The following CSDE1 variants were observed in gnomAD, a reference collection of about 807,000 sequenced individuals.
The protein encoded by CSDE1 is cold shock domain-containing protein E1.
A neutral mutation model predicts 89.3 loss-of-function variants in CSDE1; 17 were observed. The observed-to-expected ratio is 0.19, with a 90% CI of 0.13 to 0.29. CSDE1 has a LOEUF of 0.29. Among genes scored for constraint, CSDE1 ranks in the 10% least tolerant of loss-of-function variants. The pLI is 1.00. For missense variants in CSDE1, 672 were observed against 984.2 expected (o/e 0.68, Z 4.24); for synonymous variants, 322 against 332.8 (o/e 0.97, Z 0.35).
chr1:114,748,238 T>C (rs1232934890), intron 2 of CSDE1: 1 of 152,216 alleles, frequency 6.6e-6, no homozygotes, highest in East Asian at 1.9e-4. Context: ...CATTCTTCAT[T>C]TTATTTGACC....
intron 2 of CSDE1, among the ~76,000 whole-genome samples, chr1:114,746,337 T>TCC (rs1661009069): frequency 6.6e-6 from 1 of 152,156 alleles, no homozygotes; most frequent in African/African-American, 2.4e-5. Context: ...CTAAAACACA[T>TCC]CCCCATCATT....
chr1:114,741,393 G>T, intron 2 of CSDE1: 1 of 781,416 alleles, frequency 1.3e-6, no homozygotes, highest in Non-Finnish European at 1.9e-6. Context: ...TCTTTCAAGA[G>T]TGAAGGTGAA....
chr1:114,751,272 C>T (rs1331746027), intron 1 of CSDE1, among the ~76,000 whole-genome samples: 1 of 152,130 alleles, frequency 6.6e-6, no homozygotes, highest in Non-Finnish European at 1.5e-5. Flanking sequence ...AAATAAACAA[C>T]AATTTTGCAC....
chr1:114,736,049 T>C (rs572008452), intron 6 of CSDE1, among the ~76,000 whole-genome samples: 1 of 152,314 alleles, frequency 6.6e-6, no homozygotes, highest in African/African-American at 2.4e-5. Flanking sequence ...GCCCAGTTTA[T>C]GGTACCATCA....
chr1:114,717,418 AAT>A lies in CSDE1; in HGVS notation c.*749_*750del, dbSNP rs1189167037. On this transcript the variant is annotated 3_prime_UTR_variant, in exon 20 of 20. Transcript: ENST00000358528. ...CATTCATTTTTTTTGTTTTTGTTTA[AAT>A]ATGTTTAAATTATCACACTGCTGGC... 3 of 152,422 alleles carry A rather than the reference AAT, an allele frequency of 2.0e-5. No individual in the cohort carries two copies. The highest frequency in any genetic ancestry group is 6.5e-5 in the Admixed American group (1 of 15,268). The allele number at this position is 152,422 out of a possible 1,614,324, so 9.4% of individuals were successfully genotyped here. A position where few individuals can be genotyped will look rare whatever the true frequency, so the allele number is the denominator to read the frequency against.
chr1:114,719,649 C>T lies in CSDE1; in HGVS notation c.2146G>A (p.Glu716Lys). ...TTAAGAATCACTGAGAACTCCACCT[C>T]ATCTCCTGCCTGTAGCTCAATGCCA... Reference protein sequence around the residue: ...QDGIELQAGDEVEFSVILNQR... With the variant: ...QDGIELQAGDKVEFSVILNQR... The change falls in exon 18 of 20, where the codon GAG becomes AAG. Residue 716 changes from glutamate (E) to lysine (K), a missense_variant. Coordinates refer to ENST00000358528, the MANE Select transcript of CSDE1 (RefSeq NM_001007553.3). 1 of 1,614,114 alleles carries T rather than the reference C, an allele frequency of 6.2e-7. No individual in the cohort carries two copies. The highest frequency in any genetic ancestry group is 8.5e-7 in the Non-Finnish European group (1 of 1,179,958).
In CSDE1 at chr1:114,728,817, G is replaced by A. The variant is rs1659944023; in HGVS notation, c.1356+1441C>T. 2.6e-5 allele frequency among the ~76,000 whole-genome samples: 4 copies of A among 152,324 alleles called. No homozygotes were observed. In the South Asian group the frequency reaches 8.3e-4, roughly 32 times the overall value. Reference sequence around the variant, plus strand: ...GAAATAATTTCCCAAGCTACAGTAAGTGATAAGCAAGATACTAGCCTTGCT... The same window carrying A: ...GAAATAATTTCCCAAGCTACAGTAAATGATAAGCAAGATACTAGCCTTGCT... On this transcript the variant is annotated intron_variant, in intron 12 of 19. Coordinates refer to ENST00000358528, the MANE Select transcript of CSDE1 (RefSeq NM_001007553.3).
At chr1:114,738,475 G>C (rs1660528963) in intron 3 of CSDE1, among the ~76,000 whole-genome samples, 1 of 151,644 alleles carries the variant, frequency 6.6e-6, no homozygotes, top group African/African-American at 2.4e-5. Context: ...CTGTACCTCA[G>C]TTTTCTCTTA....
At chr1:114,729,829 A>G (rs567174642) in intron 12 of CSDE1, among the ~76,000 whole-genome samples, 34 of 152,344 alleles carry the variant, frequency 2.2e-4, no homozygotes, top group African/African-American at 7.9e-4. Context: ...AATGAAATTT[A>G]AATGTGTGAA....
intron 1 of CSDE1, among the ~76,000 whole-genome samples, chr1:114,751,086 G>A (rs550275970): frequency 6.6e-6 from 1 of 152,318 alleles, no homozygotes; most frequent in Non-Finnish European, 1.5e-5. Context: ...ACAGGAAACA[G>A]TGCCTTAGTT....
rs563714422 is a variant in CSDE1, at chr1:114,736,637, T to C, written c.500+121A>G. 1.1e-3 allele frequency: 677 copies of C among 622,388 alleles called. 2 individuals are homozygous for C. The highest frequency in any genetic ancestry group is 1.6e-3 in the Admixed American group (54 of 34,324). 38.6% of individuals were successfully genotyped at this position (622,388 alleles called of 1,614,324 possible). ...AGACCTCAAAGCATTAGTTGATGAA[T>C]TGAAAGTTCATGAAAACTATCCAGA... is the stretch of plus-strand genomic sequence containing the variant. On this transcript the variant is annotated intron_variant, in intron 6 of 19. Transcript: ENST00000358528.
chr1:114,743,206 A>C (rs772942993), intron 2 of CSDE1, among the ~76,000 whole-genome samples: 21 of 151,922 alleles, frequency 1.4e-4, no homozygotes, highest in Non-Finnish European at 2.4e-4. Context: ...GAATTAATTT[A>C]TTTTTGAGAT....
rs1660512490 is a variant in CSDE1 at position 114,738,177 on chromosome 1, G to A, written c.200-105C>T. 4 of 846,934 alleles carry A rather than the reference G, an allele frequency of 4.7e-6. No homozygotes were observed. In the Admixed American group the frequency reaches 7.6e-5, roughly 16 times the overall value. The allele number at this position is 846,934 out of a possible 1,614,324, so 52.5% of individuals were successfully genotyped here. A position where few individuals can be genotyped will look rare whatever the true frequency, so the allele number is the denominator to read the frequency against. On this transcript the variant is annotated intron_variant, in intron 3 of 19. Coordinates refer to ENST00000358528, the MANE Select transcript of CSDE1 (RefSeq NM_001007553.3). The stretch of plus-strand genomic sequence containing the variant: ...GCATTTGAATTGCCTTAGACCAGTG[G>A]TTTTCAAAGTGTGGTCCCTGGACCA...
chr1:114,754,092 G>A (rs1293815755), intron 1 of CSDE1, among the ~76,000 whole-genome samples: 3 of 152,132 alleles, frequency 2.0e-5, no homozygotes, highest in Non-Finnish European at 4.4e-5. Context: ...GGGTTCAAGC[G>A]ATTCTCCTGC....
rs143290605 is a variant in CSDE1 at position 114,722,123 on chromosome 1, T to C, written c.1874-1406A>G. On this transcript the variant is annotated intron_variant, in intron 16 of 19. Transcript: ENST00000358528. ...TCTCGAACTCCTGACCTTCAGGTGA[T>C]CTGCCTGCCTTGGCTTCCCAAAGTG... is the stretch of plus-strand genomic sequence containing the variant. Among the ~76,000 whole-genome samples, 705 of 152,270 alleles carry C rather than the reference T, an allele frequency of 4.6e-3. 7 individuals are homozygous for C. The highest frequency in any genetic ancestry group is 0.016 in the African/African-American group (670 of 41,566).
At chr1:114,732,850 T>G in intron 9 of CSDE1, 34 bp from the exon 10 acceptor site, 1 of 1,524,388 alleles carries the variant, frequency 6.6e-7, no homozygotes, top group East Asian at 2.3e-5. Flanking sequence ...TAGCTGGAGA[T>G]TTCTCATCCT....
chr1:114,736,876 A>G, intron 5 of CSDE1, 21 bp from the exon 6 acceptor site: 1 of 1,567,282 alleles, frequency 6.4e-7, no homozygotes, highest in Non-Finnish European at 8.8e-7. Flanking sequence ...ATAAATCATT[A>G]TTACTATTTT....
In CSDE1 at chr1:114,720,542, A is replaced by T; in HGVS notation, c.2049T>A (p.Asp683Glu). The T allele has an allele frequency of 6.2e-7, 1 of 1,609,866 alleles. No individual in the cohort carries two copies. The highest frequency in any genetic ancestry group is 8.5e-7 in the Non-Finnish European group (1 of 1,177,452). ...ATACAGAGATGCTGGCACTTACCTG[A>T]TCTTTCACACATTCCACTGTGGCCC... ...LRRATVECVKDQFGFINYEVG... is the reference protein window; with the variant it reads ...LRRATVECVKEQFGFINYEVG... The change falls in exon 17 of 20, where the codon GAT becomes GAA. Residue 683 changes from aspartate to glutamate, a missense_variant. Around this residue, in one of 8 missense-constraint regions of CSDE1, gnomAD observed 206 missense variants for 332.4 expected, o/e 0.62. Coordinates refer to ENST00000358528, the MANE Select transcript of CSDE1 (RefSeq NM_001007553.3).
intron 17 of CSDE1, 113 bp from the exon 18 acceptor site, chr1:114,719,855 AC>A: frequency 9.6e-7 from 1 of 1,043,204 alleles, no homozygotes; most frequent in Non-Finnish European, 1.4e-6. Context: ...TAATGTTGAT[AC>A]TCCAGTCCAG....
Sources: gnomAD v4.1 joint callset for allele counts (sites outside exome capture counted in the v4.1 genomes callset) on GRCh38, gnomAD v4.1.1 for gene constraint, gnomAD v4.1.1 regional missense constraint, MANE v1.5 for transcripts, NCBI Gene and HGNC (gene_info 2026-07-23, HGNC 2026-07-21) for gene names.